The following NRIP1 variants were observed in gnomAD, a reference collection of about 807,000 sequenced individuals.
NRIP1 encodes nuclear receptor interacting protein 1, also known as nuclear receptor-interacting protein 1.
In NRIP1, 28 loss-of-function variants were observed where a neutral mutation model predicts 75.0. The ratio of observed to expected loss-of-function variants is 0.37; its 90% CI spans 0.28 to 0.51. The LOEUF (loss-of-function observed/expected upper bound fraction) is 0.51. NRIP1 is among the 20% of genes least tolerant of loss of function. The pLI is 0.92. For synonymous variants in NRIP1, 526 were observed against 487.6 expected (o/e 1.08, Z -1.04); for missense variants, 1,435 against 1,343.7 (o/e 1.07, Z -1.06).
At chr21:15,006,944 TG>T (rs2147141008) in intron 3 of NRIP1, among the ~76,000 whole-genome samples, 1 of 152,094 alleles carries the variant, frequency 6.6e-6, no homozygotes, top group Non-Finnish European at 1.5e-5. Context: ...CACATGCAGG[TG>T]GTAGTCAGTG....
intron 3 of NRIP1, among the ~76,000 whole-genome samples, chr21:14,978,769 G>C (rs1160216998): frequency 6.6e-6 from 1 of 152,134 alleles, no homozygotes; most frequent in African/African-American, 2.4e-5. Flanking sequence ...TGCCTCTATA[G>C]TTAATCTTAA....
chr21:14,968,504 C>A lies in NRIP1; in HGVS notation c.-312G>T. 1 of 239,074 alleles carries A rather than the reference C, an allele frequency of 4.2e-6. No homozygotes were observed. The highest frequency in any genetic ancestry group is 8.8e-6 in the Non-Finnish European group (1 of 114,004). The allele number at this position is 239,074 out of a possible 1,614,324, so 14.8% of individuals were successfully genotyped here. A position where few individuals can be genotyped will look rare whatever the true frequency, so the allele number is the denominator to read the frequency against. ...TTTTCCTTCTTCATCTTTTGTTCCC[C>A]ATTAAATGCAAATATCAGTGTTCTA... is the stretch of plus-strand genomic sequence containing the variant. On this transcript the variant is annotated 5_prime_UTR_variant, in exon 4 of 4. It removes an upstream start codon present in the reference 5' UTR. Coordinates refer to ENST00000318948, the MANE Select transcript of NRIP1 (RefSeq NM_003489.4).
At position 14,964,960 on chromosome 21, in the gene NRIP1, G is replaced by T. The variant is rs770056714; in HGVS notation, c.3233C>A (p.Ser1078Tyr). 9.3e-6 allele frequency: 15 copies of T among 1,613,864 alleles called. No individual in the cohort carries two copies. The highest frequency in any genetic ancestry group is 1.3e-5 in the Non-Finnish European group (15 of 1,179,896). ...GTCTTGTGTTTCTCGACTGGTAACA[G>T]AATTGCCTCCTTTTTGAAGCATGTA... ...LYYMLQKGGNSVTSRETQDKD... is the reference protein window; with the variant it reads ...LYYMLQKGGNYVTSRETQDKD... The change falls in exon 4 of 4, where the codon TCT becomes TAT. Residue 1078 changes from serine (S) to tyrosine (Y), a missense_variant. By Grantham distance (144) the Ser-to-Tyr change is moderately radical. Transcript: ENST00000318948.
At chr21:14,975,602 T>C (rs2146982254) in intron 3 of NRIP1, among the ~76,000 whole-genome samples, 1 of 125,050 alleles carries the variant, frequency 8.0e-6, no homozygotes, top group South Asian at 2.5e-4. Context: ...CTAGCCTGCG[T>C]GACAGAATAA....
At chr21:14,995,317 C>T (rs1324006062) in intron 3 of NRIP1, among the ~76,000 whole-genome samples, 3 of 152,144 alleles carry the variant, frequency 2.0e-5, no homozygotes, top group African/African-American at 7.2e-5. Context: ...AGAAGGAGTC[C>T]TACTGCAGAG....
rs1176594513 is a variant in NRIP1, at chr21:14,966,258, C to T, written c.1935G>A (p.Val645=). Residue 645 remains valine (V), a synonymous_variant, in exon 4 of 4, where the codon GTG becomes GTA. Coordinates refer to ENST00000318948, the MANE Select transcript of NRIP1 (RefSeq NM_003489.4). ...GCTGTTTGCTGGGTCTCTGCTCTTC[C>T]ACTGACATGGATGACTGCATTCCAC... ...AQCGMQSSMS[V]EEQRPSKQLL... The T allele has an allele frequency of 1.2e-6, 2 of 1,613,950 alleles. No homozygotes were observed. Among genetic ancestry groups the T allele is most frequent in the Non-Finnish European group, 1.7e-6 (2 of 1,179,992 alleles).
intron 2 of NRIP1, among the ~76,000 whole-genome samples, chr21:15,023,147 T>C (rs191455243): frequency 1.2e-4 from 19 of 152,332 alleles, no homozygotes; most frequent in African/African-American, 3.8e-4. Context: ...GACTGTGGTG[T>C]TGGTTACACA....
At chr21:15,031,296 G>A (rs2088682121) in intron 2 of NRIP1, among the ~76,000 whole-genome samples, 1 of 147,288 alleles carries the variant, frequency 6.8e-6, no homozygotes, top group East Asian at 2.3e-4. Context: ...GGCGGTTGGA[G>A]GTTCACCACA....
chr21:14,991,140 G>T (rs1600841669), intron 3 of NRIP1: 2 of 151,912 alleles, frequency 1.3e-5, no homozygotes, highest in South Asian at 4.2e-4. Flanking sequence ...TCCATGGTGT[G>T]ATGGCTAAGA....
chr21:15,057,753 T>C (rs115592568), intron 1 of NRIP1, among the ~76,000 whole-genome samples: 2,622 of 152,322 alleles, frequency 0.017, 84 homozygotes, highest in African/African-American at 0.06. Context: ...AGTTAACTAT[T>C]CTTGCATTTT....
At chr21:14,969,266 G>A (rs1226561994) in intron 3 of NRIP1, among the ~76,000 whole-genome samples, 1 of 152,162 alleles carries the variant, frequency 6.6e-6, no homozygotes, top group Non-Finnish European at 1.5e-5. Flanking sequence ...GCTATCAAGG[G>A]TTTAATGTAG....
chr21:14,995,569 T>C (rs1251699493), intron 3 of NRIP1, among the ~76,000 whole-genome samples: 2 of 152,226 alleles, frequency 1.3e-5, no homozygotes, highest in South Asian at 2.1e-4. Context: ...TACAGTGTTC[T>C]GGGAGAGTGA....
intron 1 of NRIP1, among the ~76,000 whole-genome samples, chr21:15,054,501 A>C (rs1242690954): frequency 3.3e-5 from 5 of 152,246 alleles, no homozygotes; most frequent in Admixed American, 3.3e-4. Context: ...TGTCAATAAC[A>C]GTCAGTTTCA....
rs182270080 is a variant in NRIP1 at position 15,039,871 on chromosome 21, G to C, written c.-458+3624C>G. On this transcript the variant is annotated intron_variant, in intron 2 of 3. Coordinates refer to ENST00000318948, the MANE Select transcript of NRIP1 (RefSeq NM_003489.4). Reference sequence around the variant, plus strand: ...CATTCAACATGCCCCCTAAACACTGGCTAATTGATTTATCTGATGTTCAAC... The same window carrying C: ...CATTCAACATGCCCCCTAAACACTGCCTAATTGATTTATCTGATGTTCAAC... Among the ~76,000 whole-genome samples, 511 of 152,084 alleles carry C rather than the reference G, an allele frequency of 3.4e-3. 1 individual carries two copies. Among genetic ancestry groups the C allele is most frequent in the Non-Finnish European group, 5.3e-3 (362 of 67,922 alleles).
At chr21:15,038,861 C>T (rs931799715) in intron 2 of NRIP1, among the ~76,000 whole-genome samples, 1 of 152,106 alleles carries the variant, frequency 6.6e-6, no homozygotes, top group African/African-American at 2.4e-5. Flanking sequence ...CTTCTAGATG[C>T]TCAGCCTCAG....
intron 2 of NRIP1, among the ~76,000 whole-genome samples, chr21:15,035,514 T>C (rs2088811594): frequency 6.6e-6 from 1 of 151,552 alleles, no homozygotes; most frequent in Admixed American, 6.6e-5. Flanking sequence ...ACTAAGAAAA[T>C]AGCTTTCTGT....
At chr21:14,989,718 T>G (rs1207032391) in intron 3 of NRIP1, among the ~76,000 whole-genome samples, 1 of 152,204 alleles carries the variant, frequency 6.6e-6, no homozygotes, top group Non-Finnish European at 1.5e-5. Context: ...ATCTTTATGT[T>G]CATATTAGCC....
At chr21:15,030,939 G>GCGGTTGGAGGTT (rs1600897280) in intron 2 of NRIP1, among the ~76,000 whole-genome samples, 1 of 129,168 alleles carries the variant, frequency 7.7e-6, no homozygotes, top group African/African-American at 2.6e-5. Context: ...ACTCTGGAAG[G>GCGGTTGGAGGTT]CACTCAGAGG....
chr21:14,976,662 T>C (rs1472996696), intron 3 of NRIP1, among the ~76,000 whole-genome samples: 1 of 152,186 alleles, frequency 6.6e-6, no homozygotes, highest in Non-Finnish European at 1.5e-5. Context: ...TTGTGGAACT[T>C]CTACACACTT....
Sources: gnomAD v4.1 joint callset for allele counts (sites outside exome capture counted in the v4.1 genomes callset) on GRCh38, gnomAD v4.1.1 for gene constraint, MANE v1.5 for transcripts, NCBI Gene and HGNC (gene_info 2026-07-23, HGNC 2026-07-21) for gene names.